Variants in CCDC91 observed in about 807,000 individuals in gnomAD.
CCDC91 encodes the protein coiled-coil domain-containing protein 91.
CCDC91 carries 48 observed loss-of-function variants against 63.2 expected under a neutral mutation model. The ratio of observed to expected loss-of-function variants is 0.76; its 90% CI spans 0.60 to 0.97. The LOEUF (loss-of-function observed/expected upper bound fraction) is 0.97. Among genes scored for constraint, CCDC91 ranks in the 50% least tolerant of loss-of-function variants. The pLI is 0.00. For missense variants in CCDC91, 500 were observed against 494.6 expected (o/e 1.01, Z -0.10); for synonymous variants, 167 against 165.8 (o/e 1.01, Z -0.06).
intron 6 of CCDC91, among the ~76,000 whole-genome samples, chr12:28,312,040 A>G (rs1395003911): frequency 6.6e-6 from 1 of 152,022 alleles, no homozygotes; most frequent in Non-Finnish European, 1.5e-5. Flanking sequence ...AGCTCTATTT[A>G]TTGATAGAAA....
chr12:28,361,877 GA>G (rs1490382914), intron 6 of CCDC91, among the ~76,000 whole-genome samples: 8 of 119,412 alleles, frequency 6.7e-5, no homozygotes, highest in Non-Finnish European at 1.7e-5. Flanking sequence ...GTGTGTGTGG[GA>G]GGGGGGCGGG....
chr12:28,321,484 T>C (rs1412038961), intron 6 of CCDC91, among the ~76,000 whole-genome samples: 2 of 151,898 alleles, frequency 1.3e-5, no homozygotes, highest in Non-Finnish European at 2.9e-5. Flanking sequence ...CTAAAATTCG[T>C]ACATTGATGC....
rs1007270098 is a variant in CCDC91, at chr12:28,549,717, T to C, written c.*544T>C. The C allele has an allele frequency of 6.6e-6, 1 of 152,180 alleles. No homozygotes were observed. The highest frequency in any genetic ancestry group is 1.5e-5 in the Non-Finnish European group (1 of 68,030). 9.4% of individuals were successfully genotyped at this position (152,180 alleles called of 1,614,324 possible). ...TTGGATCTATGTATTTTCATTGGTC[T>C]ACTGAAAACAAACAATACAATTAAA... On this transcript the variant is annotated 3_prime_UTR_variant, in exon 13 of 13. Transcript: ENST00000536442.
At chr12:28,464,868 G>A (rs1417913462) in intron 11 of CCDC91, among the ~76,000 whole-genome samples, 1 of 152,118 alleles carries the variant, frequency 6.6e-6, no homozygotes, top group African/African-American at 2.4e-5. Flanking sequence ...CAGTGGGGTA[G>A]AGCACCAAGT....
At chr12:28,411,010 A>T (rs938914873) in intron 8 of CCDC91, among the ~76,000 whole-genome samples, 1 of 152,014 alleles carries the variant, frequency 6.6e-6, no homozygotes, top group Non-Finnish European at 1.5e-5. Context: ...CTTATCATCT[A>T]TATGTCTTTG....
chr12:28,379,450 T>C (rs899006726), intron 7 of CCDC91, among the ~76,000 whole-genome samples: 1 of 56,974 alleles, frequency 1.8e-5, no homozygotes, highest in South Asian at 5.2e-4. Context: ...CAAACAAATT[T>C]ACAAAAAAAA....
At chr12:28,467,669 C>T (rs1345539638) in intron 11 of CCDC91, among the ~76,000 whole-genome samples, 1 of 152,076 alleles carries the variant, frequency 6.6e-6, no homozygotes, top group African/African-American at 2.4e-5. Flanking sequence ...TTCTTCTCCT[C>T]AGCACATAGA....
intron 6 of CCDC91, among the ~76,000 whole-genome samples, chr12:28,329,541 T>C (rs1001615158): frequency 6.6e-6 from 1 of 152,198 alleles, no homozygotes; most frequent in Non-Finnish European, 1.5e-5. Flanking sequence ...TTTGAATCAG[T>C]AATTACTGAC....
chr12:28,348,307 A>G (rs1472536335), intron 6 of CCDC91, among the ~76,000 whole-genome samples: 1 of 152,160 alleles, frequency 6.6e-6, no homozygotes, highest in African/African-American at 2.4e-5. Flanking sequence ...TTATTGACAA[A>G]TAGAACAGTT....
At chr12:28,365,801 A>G (rs1424247385) in intron 7 of CCDC91, among the ~76,000 whole-genome samples, 1 of 152,194 alleles carries the variant, frequency 6.6e-6, no homozygotes, top group African/African-American at 2.4e-5. Flanking sequence ...AGGGCTTCAC[A>G]CTTTTACCTC....
chr12:28,544,561 G>GT (rs1376542289), intron 12 of CCDC91, among the ~76,000 whole-genome samples: 1 of 151,922 alleles, frequency 6.6e-6, no homozygotes, highest in African/African-American at 2.4e-5. Flanking sequence ...TATTTTGTTG[G>GT]TAGAAGCTCA....
chr12:28,244,011 T>C (rs1239829666), intron 1 of CCDC91, among the ~76,000 whole-genome samples: 1 of 152,196 alleles, frequency 6.6e-6, no homozygotes, highest in Non-Finnish European at 1.5e-5. Flanking sequence ...ATAGAGCTGG[T>C]AATCCCAAAC....
Position 28,305,768 on chromosome 12 carries a change from G to A in CCDC91, c.229G>A (p.Ala77Thr), listed in dbSNP as rs765361167. ...TTCATCACCAGAGAATACACATGCA[G>A]CAAATAGCATTGTGAGTCAAACTAT... Reference protein sequence around the residue: ...IISSPENTHAANSIVSQTIPK... With the variant: ...IISSPENTHATNSIVSQTIPK... The change falls in exon 4 of 13, where the codon GCA becomes ACA. Residue 77 changes from alanine (A) to threonine (T), a missense_variant. Coordinates refer to ENST00000536442, the MANE Select transcript of CCDC91 (RefSeq NM_018318.5). 4 of 1,612,918 alleles carry A rather than the reference G, an allele frequency of 2.5e-6. No individual in the cohort carries two copies. The highest frequency in any genetic ancestry group is 3.4e-6 in the Non-Finnish European group (4 of 1,179,246).
At chr12:28,312,823 T>A (rs1939461841) in intron 6 of CCDC91, among the ~76,000 whole-genome samples, 1 of 152,054 alleles carries the variant, frequency 6.6e-6, no homozygotes, top group Admixed American at 6.6e-5. Context: ...GAAGTTTCCC[T>A]GTGCAAGTTC....
chr12:28,209,754 C>A (rs1943102446), intron 1 of CCDC91, among the ~76,000 whole-genome samples: 1 of 152,178 alleles, frequency 6.6e-6, no homozygotes, highest in African/African-American at 2.4e-5. Context: ...AACACTTTCA[C>A]AACTTGTTTA....
At chr12:28,443,939 A>G (rs1949365495) in intron 8 of CCDC91, among the ~76,000 whole-genome samples, 1 of 152,244 alleles carries the variant, frequency 6.6e-6, no homozygotes, top group Non-Finnish European at 1.5e-5. Flanking sequence ...CTGTGGTAAC[A>G]ATAGTTTGCA....
chr12:28,407,979 T>TTA lies in CCDC91; in HGVS notation c.762+16568_762+16569insTA, dbSNP rs1592583079. Among the ~76,000 whole-genome samples, 5 of 150,568 alleles carry TTA rather than the reference T, an allele frequency of 3.3e-5. No individual in the cohort carries two copies. In the East Asian group the frequency reaches 7.8e-4, roughly 24 times the overall value. ...ATATATATATATTTTTTTTATTTTTTATTTTACTTTAAGTTCTGGGATACA... is the reference window on the plus strand; with the variant it reads ...ATATATATATATTTTTTTTATTTTTTTAATTTTACTTTAAGTTCTGGGATACA... On this transcript the variant is annotated intron_variant, in intron 8 of 12. Transcript: ENST00000536442.
At chr12:28,516,864 C>T (rs567477935) in intron 12 of CCDC91, among the ~76,000 whole-genome samples, 1 of 151,854 alleles carries the variant, frequency 6.6e-6, no homozygotes, top group Non-Finnish European at 1.5e-5. Flanking sequence ...ATAATCACCT[C>T]TTAAAGTTCT....
chr12:28,427,919 A>G (rs1483561315), intron 8 of CCDC91, among the ~76,000 whole-genome samples: 1 of 152,176 alleles, frequency 6.6e-6, no homozygotes, highest in East Asian at 1.9e-4. Context: ...TTAGATTAAA[A>G]GCTTTTTTGG....
Sources: gnomAD v4.1 joint callset for allele counts (sites outside exome capture counted in the v4.1 genomes callset) on GRCh38, gnomAD v4.1.1 for gene constraint, MANE v1.5 for transcripts, NCBI Gene and HGNC (gene_info 2026-07-23, HGNC 2026-07-21) for gene names.